Variants in SCRIB observed in about 807,000 individuals in gnomAD.
The protein encoded by SCRIB is protein scribble homolog.
SCRIB carries 72 observed loss-of-function variants against 170.0 expected under a neutral mutation model. That is an observed-to-expected ratio of 0.42 (90% CI 0.35 to 0.52). SCRIB has a LOEUF of 0.52. SCRIB is among the 20% of genes least tolerant of loss of function. The pLI is 0.02. For synonymous variants in SCRIB, 1,298 were observed against 1,044.3 expected (o/e 1.24, Z -4.68); for missense variants, 2,475 against 2,338.5 (o/e 1.06, Z -1.20).
chr8:143,796,847 C>G (rs954780845), intron 24 of SCRIB, among the ~76,000 whole-genome samples: 8 of 152,196 alleles, frequency 5.3e-5, no homozygotes, highest in Non-Finnish European at 8.8e-5. Context: ...GTAGCCCGGC[C>G]TCTCATGTCA....
In SCRIB at chr8:143,815,105, C is replaced by A. The variant is rs543005566; in HGVS notation, c.159+109G>T. ...GGGTGGGGACCTGGCCAGTGCAAAC[C>A]AGCAGGGCCGGCTGGAGGCTGCGGT... On this transcript the variant is annotated intron_variant, in intron 1 of 36. Transcript: ENST00000356994. The A allele has an allele frequency of 3.2e-5, 42 of 1,311,074 alleles. No individual in the cohort carries two copies. In the African/African-American group the frequency reaches 5.4e-4, roughly 17 times the overall value. The allele number at this position is 1,311,074 out of a possible 1,614,324, so 81.2% of individuals were successfully genotyped here. A position where few individuals can be genotyped will look rare whatever the true frequency, so the allele number is the denominator to read the frequency against.
Position 143,809,009 on chromosome 8 carries a change from G to A in SCRIB, c.1715C>T (p.Ala572Val), listed in dbSNP as rs1815573015. 6.2e-7 allele frequency: 1 copy of A among 1,612,278 alleles called. No homozygotes were observed. The highest frequency in any genetic ancestry group is 1.3e-5 in the African/African-American group (1 of 74,922). ...EDYQEPTVHFAEDALLPGDDR... is the reference protein window; with the variant it reads ...EDYQEPTVHFVEDALLPGDDR... ...ATCCCCGGGCAGCAGTGCGTCCTCT[G>A]CGAAATGCACCGTGGGCTGTGCGGA... The change falls in exon 15 of 37, where the codon GCA becomes GTA. Residue 572 changes from alanine (A) to valine (V), a missense_variant. This residue lies in a region of SCRIB where 1,966 missense variants were observed against 1,742.9 expected (regional missense o/e 1.13). Coordinates refer to ENST00000356994, the MANE Select transcript of SCRIB (RefSeq NM_182706.5).
At chr8:143,794,965 G>T in intron 27 of SCRIB, 73 bp downstream of exon 27, 1 of 1,457,706 alleles carries the variant, frequency 6.9e-7, no homozygotes, top group Non-Finnish European at 9.5e-7. Flanking sequence ...GATGGCCCTG[G>T]CGTTTGTCCT....
In SCRIB at chr8:143,804,926, C is replaced by G. The variant is rs1815348690; in HGVS notation, c.2751+8G>C. On this transcript the variant is annotated splice_region_variant and intron_variant, in intron 20 of 36. Transcript: ENST00000356994. ...GGGTGGGTGGGGCGGGGCCCCATCC[C>G]CACTCACAGAGAGGACGCGGTCGCC... The G allele has an allele frequency of 3.9e-6, 6 of 1,546,278 alleles. No individual in the cohort carries two copies. The highest frequency in any genetic ancestry group is 5.2e-6 in the Non-Finnish European group (6 of 1,152,166).
Position 143,810,686 on chromosome 8 carries a change from C to T in SCRIB, c.1404G>A (p.Arg468=). The change falls in exon 12 of 37, where the codon CGG becomes CGA. Residue 468 remains arginine (R), a splice_region_variant and synonymous_variant. Coordinates refer to ENST00000356994, the MANE Select transcript of SCRIB (RefSeq NM_182706.5). ...GCCCCCCAGATCCTCACCCTCATAC[C>T]CGCTTCTCAGCTGCAGCTTCCTCAG... The part of the protein sequence containing the change: ...EDAEEAAAEK[R]GLQRRATPHP... 1 of 1,603,174 alleles carries T rather than the reference C, an allele frequency of 6.2e-7. No individual in the cohort carries two copies. The highest frequency in any genetic ancestry group is 8.5e-7 in the Non-Finnish European group (1 of 1,172,338).
In SCRIB at chr8:143,795,333, C is replaced by T; in HGVS notation, c.3715G>A (p.Glu1239Lys). Residue 1239 changes from glutamate (E) to lysine (K), a missense_variant and splice_region_variant, in exon 26 of 37, where the codon GAG becomes AAG. Coordinates refer to ENST00000356994, the MANE Select transcript of SCRIB (RefSeq NM_182706.5). Reference sequence around the variant, plus strand: ...AGGGTCTGTCCAGGCAGCTCCTTCTCCTGTGAGCAGAGCAGAGCAGACCCG... The same window carrying T: ...AGGGTCTGTCCAGGCAGCTCCTTCTTCTGTGAGCAGAGCAGAGCAGACCCG... ...RELSPEGPGK[E>K]KELPGQTLHW... 6.2e-7 allele frequency: 1 copy of T among 1,612,660 alleles called. No individual in the cohort carries two copies. The highest frequency in any genetic ancestry group is 1.3e-5 in the African/African-American group (1 of 74,986).
At chr8:143,806,823 G>A in intron 17 of SCRIB, 101 bp downstream of exon 17, 1 of 871,388 alleles carries the variant, frequency 1.1e-6, no homozygotes, top group Non-Finnish European at 1.8e-6. Context: ...TGTCCCCAGA[G>A]CGTGTGAGTG....
intron 36 of SCRIB, 34 bp from the exon 37 acceptor site, chr8:143,791,342 G>C (rs1393053439): frequency 6.3e-7 from 1 of 1,593,856 alleles, no homozygotes; most frequent in South Asian, 1.1e-5. Flanking sequence ...AGTGAGCTGA[G>C]GGCAGCTGGG....
intron 2 of SCRIB, 43 bp from the exon 3 acceptor site, chr8:143,813,939 G>T: frequency 6.3e-7 from 1 of 1,591,796 alleles, no homozygotes; most frequent in Non-Finnish European, 8.6e-7. Context: ...TGGCCTGCAG[G>T]CCGTCTGCAG....
intron 2 of SCRIB, 26 bp from the exon 3 acceptor site, chr8:143,813,922 G>C: frequency 1.2e-6 from 2 of 1,603,980 alleles, no homozygotes; most frequent in Non-Finnish European, 1.7e-6. Flanking sequence ...ACAGTGGACA[G>C]ATGCCATGGC....
intron 27 of SCRIB, 96 bp downstream of exon 27, chr8:143,794,942 A>C: frequency 7.9e-7 from 1 of 1,267,316 alleles, no homozygotes. Flanking sequence ...CCCCGCCCAA[A>C]GGTTCCCTCC....
chr8:143,814,009 G>C lies in SCRIB; in HGVS notation c.269C>G (p.Ser90Cys). Reference protein sequence around the residue: ...NFMQLVELDVSRNDIPEIPES... With the variant: ...NFMQLVELDVCRNDIPEIPES... ...CTGCCCAGGCTCCCCACCGTTCCGGGACACGTCCAGCTCCACCAGCTGCAT... is the reference window on the plus strand; with the variant it reads ...CTGCCCAGGCTCCCCACCGTTCCGGCACACGTCCAGCTCCACCAGCTGCAT... The change falls in exon 2 of 37, where the codon TCC becomes TGC. Residue 90 changes from serine to cysteine, a missense_variant. Coordinates refer to ENST00000356994, the MANE Select transcript of SCRIB (RefSeq NM_182706.5). 1 of 1,569,172 alleles carries C rather than the reference G, an allele frequency of 6.4e-7. No individual in the cohort carries two copies. Among genetic ancestry groups the C allele is most frequent in the Non-Finnish European group, 8.6e-7 (1 of 1,156,370 alleles).
In SCRIB at chr8:143,792,770, C is replaced by A. The variant is rs782456812; in HGVS notation, c.4115G>T (p.Gly1372Val). ...CACCAGGGACACGCGCTTAGGGGGG[C>A]CCTCGGCCTGGGGCACGCGCACCTC... The part of the protein sequence containing the change: ...ELEVRVPQAE[G>V]PPKRVSLVGA... Residue 1372 changes from glycine to valine, a missense_variant, in exon 30 of 37, where the codon GGC becomes GTC. Coordinates refer to ENST00000356994, the MANE Select transcript of SCRIB (RefSeq NM_182706.5). 6.3e-7 allele frequency: 1 copy of A among 1,585,068 alleles called. No individual in the cohort carries two copies. The highest frequency in any genetic ancestry group is 8.6e-7 in the Non-Finnish European group (1 of 1,168,500).
Position 143,792,409 on chromosome 8 carries a change from G to C in SCRIB, c.4329-4C>G. 6.7e-7 allele frequency: 1 copy of C among 1,503,620 alleles called. No individual in the cohort carries two copies. The highest frequency in any genetic ancestry group is 8.9e-7 in the Non-Finnish European group (1 of 1,129,646). The allele number at this position is 1,503,620 out of a possible 1,614,324, so 93.1% of individuals were successfully genotyped here. ...TGGGGGGGACGCCGGGCTCTGCCTG[G>C]GGAAGGGACAGGACGTGCTGTGGGG... On this transcript the variant is annotated splice_polypyrimidine_tract_variant and splice_region_variant and intron_variant, in intron 31 of 36. Transcript: ENST00000356994.
In SCRIB at chr8:143,793,840, C is replaced by T. The variant is rs370085630; in HGVS notation, c.3909+60G>A. The T allele has an allele frequency of 2.0e-5, 30 of 1,527,216 alleles. No homozygotes were observed. In the African/African-American group the frequency reaches 3.4e-4, roughly 17 times the overall value. The allele number at this position is 1,527,216 out of a possible 1,614,324, so 94.6% of individuals were successfully genotyped here. On this transcript the variant is annotated intron_variant, in intron 28 of 36. Transcript: ENST00000356994. ...CCTGGAGGAGGGGCCCTGTGCACAG[C>T]GGCCATCTGCCCTGCCCTCCACCCA...
Position 143,805,264 on chromosome 8 carries a change from G to A in SCRIB, c.2518C>T (p.Arg840Trp), listed in dbSNP as rs782296982. 12 of 1,536,350 alleles carry A rather than the reference G, an allele frequency of 7.8e-6. No individual in the cohort carries two copies. Among genetic ancestry groups the A allele is most frequent in the East Asian group, 2.4e-5 (1 of 40,936 alleles). Residue 840 changes from arginine (R) to tryptophan (W), a missense_variant, in exon 19 of 37, where the codon CGG becomes TGG. By Grantham distance (101) the Arg-to-Trp change is moderately radical. This residue lies in a region of SCRIB where 1,966 missense variants were observed against 1,742.9 expected (regional missense o/e 1.13). Coordinates refer to ENST00000356994, the MANE Select transcript of SCRIB (RefSeq NM_182706.5). ...PEDDYSPRER[R>W]GGGLRLPLLP... ...AGGGGCAGGCGCAGCCCCCCTCCCCGCCGCTCTCGGGGGCTGTAATCATCC... is the reference window on the plus strand; with the variant it reads ...AGGGGCAGGCGCAGCCCCCCTCCCCACCGCTCTCGGGGGCTGTAATCATCC...
intron 28 of SCRIB, 116 bp from the exon 29 acceptor site, chr8:143,793,199 C>A (rs1334796446): frequency 3.5e-6 from 2 of 576,526 alleles, no homozygotes; most frequent in Non-Finnish European, 5.8e-6. Context: ...GATCCCCACC[C>A]ACCATCCTGC....
Position 143,813,367 on chromosome 8 carries a change from A to C in SCRIB, c.511T>G (p.Ser171Ala). The change falls in exon 6 of 37, where the codon TCA (serine) becomes GCA (alanine). Residue 171 changes from serine to alanine, a missense_variant. Physicochemically the swap from Ser to Ala is moderately conservative, Grantham distance 99. Transcript: ENST00000356994. ...AGCTGTTCCAGCTTGACCAGAAATG[A>C]CAGGGACCTGCAGAGGAAGCAGGGT... ...NLLKSLPASL[S>A]FLVKLEQLDL... 1 of 1,613,560 alleles carries C rather than the reference A, an allele frequency of 6.2e-7. No individual in the cohort carries two copies. The highest frequency in any genetic ancestry group is 8.5e-7 in the Non-Finnish European group (1 of 1,180,006).
At chr8:143,796,104 A>T (rs1814931013) in intron 24 of SCRIB, among the ~76,000 whole-genome samples, 2 of 151,986 alleles carry the variant, frequency 1.3e-5, no homozygotes, top group Admixed American at 1.3e-4. Flanking sequence ...CAGATAGCTC[A>T]GGCAGGGCAG....
Sources: gnomAD v4.1 joint callset for allele counts (sites outside exome capture counted in the v4.1 genomes callset) on GRCh38, gnomAD v4.1.1 for gene constraint, gnomAD v4.1.1 regional missense constraint, MANE v1.5 for transcripts, NCBI Gene and HGNC (gene_info 2026-07-23, HGNC 2026-07-21) for gene names.